Variants in DMXL2 observed in about 807,000 individuals in gnomAD.
DMXL2 encodes Dmx like 2, also known as dmX-like protein 2.
DMXL2 carries 103 observed loss-of-function variants against 331.1 expected under a neutral mutation model. The observed-to-expected ratio is 0.31, with a 90% confidence interval of 0.27 to 0.37. The LOEUF (loss-of-function observed/expected upper bound fraction) is 0.37, where lower values mean the gene tolerates loss of function less well. Among genes scored for constraint, DMXL2 ranks in the 10% least tolerant of loss-of-function variants. The pLI, the probability that DMXL2 is intolerant of heterozygous loss-of-function variation, is 1.00. For synonymous variants in DMXL2, 1,281 were observed against 1,252.1 expected (o/e 1.02, Z -0.49); for missense variants, 3,171 against 3,642.9 (o/e 0.87, Z 3.33).
intron 13 of DMXL2, among the ~76,000 whole-genome samples, chr15:51,529,409 T>C (rs990182400): frequency 6.6e-6 from 1 of 151,630 alleles, no homozygotes; most frequent in Non-Finnish European, 1.5e-5. Flanking sequence ...AAATCAGAGA[T>C]GAAAAAAGGG....
Position 51,568,520 on chromosome 15 carries a change from C to G in DMXL2, c.252G>C (p.Glu84Asp), listed in dbSNP as rs773322550. Residue 84 changes from glutamate (E) to aspartate (D), a missense_variant, in exon 3 of 44, where the codon GAG becomes GAC. Physicochemically the swap from Glu to Asp is conservative, Grantham distance 45 (BLOSUM62 2). Around this residue, in one of 7 missense-constraint regions of DMXL2, gnomAD observed 1,674 missense variants for 1,780.2 expected, o/e 0.94. Transcript: ENST00000560891. The stretch of plus-strand genomic sequence containing the variant: ...TTTTATGAGAATTTATGCCCAAGGG[C>G]TCAAATATACAAACAGCATTACCAT... ...ASYGNAVCIF[E>D]PLGINSHKRN... is the part of the protein sequence containing the mutation. 7.6e-6 allele frequency: 12 copies of G among 1,577,594 alleles called. No individual in the cohort carries two copies. The highest frequency in any genetic ancestry group is 1.0e-5 in the Non-Finnish European group (12 of 1,168,772).
chr15:51,522,982 A>G (rs991454691), intron 13 of DMXL2, among the ~76,000 whole-genome samples: 4 of 152,210 alleles, frequency 2.6e-5, no homozygotes, highest in Admixed American at 6.5e-5. Context: ...CTGCAAGTTA[A>G]TCACTTTATT....
intron 3 of DMXL2, among the ~76,000 whole-genome samples, chr15:51,566,507 CAA>C (rs1288309573): frequency 1.5e-4 from 23 of 151,952 alleles, no homozygotes; most frequent in African/African-American, 4.4e-4. Context: ...ATCTGTGGAG[CAA>C]CTACCTTGAA....
chr15:51,521,604 T>C (rs1367555570), intron 13 of DMXL2, among the ~76,000 whole-genome samples: 4 of 152,142 alleles, frequency 2.6e-5, no homozygotes, highest in Admixed American at 2.6e-4. Flanking sequence ...ATCCATCCTA[T>C]ATTTTATAGA....
intron 18 of DMXL2, among the ~76,000 whole-genome samples, chr15:51,496,887 T>C (rs1215647762): frequency 6.6e-6 from 1 of 152,244 alleles, no homozygotes; most frequent in Non-Finnish European, 1.5e-5. Flanking sequence ...ATTTAATCTC[T>C]GAGCTTCAGT....
rs996828307 is a variant in DMXL2, at chr15:51,465,628, A to G, written c.7544T>C (p.Met2515Thr). The change falls in exon 31 of 44, where the codon ATG (methionine) becomes ACG (threonine). Residue 2515 changes from methionine (M) to threonine (T), a missense_variant. Around this residue, in one of 7 missense-constraint regions of DMXL2, gnomAD observed 766 missense variants for 940.5 expected, o/e 0.81. Coordinates refer to ENST00000560891, the MANE Select transcript of DMXL2 (RefSeq NM_001378457.1). ...SYSWALLHLT[M>T]VKLALHNVKN... ...GACATTGTGAAGTGCTAGTTTAACCATTGTCAAATGTAGAAGAGCCCAGCT... is the reference window on the plus strand; with the variant it reads ...GACATTGTGAAGTGCTAGTTTAACCGTTGTCAAATGTAGAAGAGCCCAGCT... 1.2e-6 allele frequency: 2 copies of G among 1,604,796 alleles called. No homozygotes were observed. Among genetic ancestry groups the G allele is most frequent in the African/African-American group, 1.3e-5 (1 of 74,244 alleles).
At position 51,453,653 on chromosome 15, in the gene DMXL2, A is replaced by G; in HGVS notation, c.8605-12T>C. 1 of 1,607,786 alleles carries G rather than the reference A, an allele frequency of 6.2e-7. No homozygotes were observed. The highest frequency in any genetic ancestry group is 2.2e-5 in the East Asian group (1 of 44,788). On this transcript the variant is annotated splice_polypyrimidine_tract_variant and intron_variant, in intron 40 of 43. Transcript: ENST00000560891. ...TGGCACTGCCAACTCTACGAAAAAC[A>G]AAGTGCAACTGATGTTATTTTACCA... is the stretch of plus-strand genomic sequence containing the variant.
chr15:51,564,004 A>G, intron 5 of DMXL2, 121 bp downstream of exon 5: 1 of 1,079,642 alleles, frequency 9.3e-7, no homozygotes, highest in Non-Finnish European at 1.3e-6. Context: ...AAAAAAATCT[A>G]CTTTCTAGGC....
At chr15:51,528,457 G>A (rs2047808828) in intron 13 of DMXL2, among the ~76,000 whole-genome samples, 2 of 152,028 alleles carry the variant, frequency 1.3e-5, no homozygotes, top group South Asian at 2.1e-4. Context: ...ACTGATATCA[G>A]TATCATTATT....
chr15:51,550,862 C>T (rs1464089957), intron 6 of DMXL2, among the ~76,000 whole-genome samples: 3 of 152,068 alleles, frequency 2.0e-5, no homozygotes, highest in Non-Finnish European at 2.9e-5. Flanking sequence ...ATTTAAAATA[C>T]TCTTAAGCCT....
chr15:51,515,272 G>C (rs1483803418), intron 14 of DMXL2, among the ~76,000 whole-genome samples: 1 of 152,054 alleles, frequency 6.6e-6, no homozygotes, highest in East Asian at 1.9e-4. Context: ...CCAAACAAAA[G>C]CTTATTTTGG....
chr15:51,458,876 T>A, intron 34 of DMXL2, 81 bp from the exon 35 acceptor site: 1 of 1,200,458 alleles, frequency 8.3e-7, no homozygotes, highest in Non-Finnish European at 1.2e-6. Flanking sequence ...GATTTAAATG[T>A]AGGATAAGAA....
intron 1 of DMXL2, among the ~76,000 whole-genome samples, chr15:51,596,514 A>G (rs367970181): frequency 1.2e-3 from 188 of 152,294 alleles, no homozygotes; most frequent in East Asian, 4.6e-3. Flanking sequence ...TCAGTGTGGC[A>G]ATTCCTCAGG....
intron 2 of DMXL2, among the ~76,000 whole-genome samples, chr15:51,570,112 C>T (rs186370546): frequency 3.5e-4 from 53 of 152,012 alleles, no homozygotes; most frequent in East Asian, 2.1e-3. Flanking sequence ...CCTGATGGAG[C>T]GGACAAACAC....
At chr15:51,460,705 A>G (rs1207784414) in intron 33 of DMXL2, 1 of 152,212 alleles carries the variant, frequency 6.6e-6, no homozygotes, top group Admixed American at 6.5e-5. Context: ...TGACAATTTT[A>G]AAGATGTAAG....
At chr15:51,455,005 G>A in intron 40 of DMXL2, 146 bp downstream of exon 40, 1 of 645,246 alleles carries the variant, frequency 1.5e-6, no homozygotes, top group Non-Finnish European at 2.8e-6. Context: ...ACTAGGGTAA[G>A]GATGGGTGCT....
At chr15:51,450,693 C>T (rs990076165) in intron 42 of DMXL2, 6 of 212,786 alleles carry the variant, frequency 2.8e-5, no homozygotes, top group East Asian at 1.1e-4. Context: ...AGTGCTGTAC[C>T]GTACAAAAAG....
intron 2 of DMXL2, among the ~76,000 whole-genome samples, chr15:51,573,140 A>G (rs965946496): frequency 2.0e-5 from 3 of 152,224 alleles, no homozygotes; most frequent in Non-Finnish European, 4.4e-5. Context: ...CAAAACCCCA[A>G]TGAGATACCA....
At chr15:51,586,907 T>C (rs563963363) in intron 1 of DMXL2, among the ~76,000 whole-genome samples, 96 of 151,960 alleles carry the variant, frequency 6.3e-4, no homozygotes, top group Non-Finnish European at 1.1e-3. Flanking sequence ...ATATTTTATA[T>C]GTCAGTGCTT....
Sources: allele counts gnomAD v4.1 joint callset (sites outside exome capture counted in the v4.1 genomes callset), GRCh38; gene constraint gnomAD v4.1.1; regional missense constraint gnomAD v4.1.1; transcripts MANE v1.5; gene names NCBI Gene and HGNC (gene_info 2026-07-23, HGNC 2026-07-21).